The following VSTM4 variants were observed in gnomAD, a reference collection of about 807,000 sequenced individuals.
VSTM4 encodes the protein V-set and transmembrane domain-containing protein 4.
VSTM4 carries 20 observed loss-of-function variants against 36.4 expected under a neutral mutation model. That is an observed-to-expected ratio of 0.55 (90% CI 0.39 to 0.80). The LOEUF (loss-of-function observed/expected upper bound fraction) is 0.80. Among genes scored for constraint, VSTM4 ranks in the 30% least tolerant of loss-of-function variants. The pLI is 0.00. For missense variants in VSTM4, 392 were observed against 404.5 expected, an observed-to-expected ratio of 0.97 and a Z score of 0.26; for synonymous variants, 182 against 173.9, an observed-to-expected ratio of 1.05 and a Z score of -0.37.
At chr10:49,064,137 A>G (rs1843929694) in intron 5 of VSTM4, 1 of 152,300 alleles carries the variant, frequency 6.6e-6, no homozygotes, top group Admixed American at 6.5e-5. Flanking sequence ...ACCACCTTTC[A>G]AAGTCTTCAT....
At chr10:49,032,638 G>A (rs1051863604) in intron 7 of VSTM4, among the ~76,000 whole-genome samples, 2 of 152,022 alleles carry the variant, frequency 1.3e-5, no homozygotes, top group Non-Finnish European at 2.9e-5. Flanking sequence ...GTCTGATACT[G>A]TCTTTTAGCA....
intron 3 of VSTM4, among the ~76,000 whole-genome samples, chr10:49,080,379 TCCCC>T (rs1442889786): frequency 2.6e-5 from 4 of 152,216 alleles, no homozygotes; most frequent in African/African-American, 9.6e-5. Flanking sequence ...CTTTTGACTC[TCCCC>T]TCCCTGGCCT....
At chr10:49,096,622 CGTGTGTGTGTGTGTGTGTGTGTGTGT>C (rs57143308) in intron 2 of VSTM4, among the ~76,000 whole-genome samples, 5 of 122,498 alleles carry the variant, frequency 4.1e-5, no homozygotes, top group Admixed American at 1.6e-4. Flanking sequence ...CATTGAAGAC[CGTGTGTGTGTGTGTGTGTGTGTGTGT>C]GTGTGTGTGT....
chr10:49,102,302 A>T, intron 2 of VSTM4: 1 of 615,034 alleles, frequency 1.6e-6, no homozygotes, highest in Non-Finnish European at 2.0e-6. Context: ...ACACCTGGCT[A>T]ATTTTTGTAT....
chr10:49,098,314 GC>G (rs1844609800), intron 2 of VSTM4, among the ~76,000 whole-genome samples: 1 of 152,156 alleles, frequency 6.6e-6, no homozygotes. Context: ...CCTGCATCTG[GC>G]CTGCTCGTGA....
intron 3 of VSTM4, among the ~76,000 whole-genome samples, chr10:49,081,417 T>A (rs1253362553): frequency 6.6e-6 from 1 of 152,252 alleles, no homozygotes; most frequent in Non-Finnish European, 1.5e-5. Context: ...GCACAGCAGC[T>A]GATCCACAAG....
intron 4 of VSTM4, among the ~76,000 whole-genome samples, chr10:49,075,357 C>T (rs893680797): frequency 4.6e-5 from 7 of 152,254 alleles, no homozygotes. Context: ...GCCTATGTGG[C>T]TTCCACACTC....
chr10:49,084,232 G>A (rs1844330529), intron 3 of VSTM4, among the ~76,000 whole-genome samples: 1 of 152,190 alleles, frequency 6.6e-6, no homozygotes, highest in South Asian at 2.1e-4. Flanking sequence ...ATGAGAGGCT[G>A]AGTGGGAGAA....
At chr10:49,071,801 G>C (rs1406716032) in intron 4 of VSTM4, among the ~76,000 whole-genome samples, 1 of 152,202 alleles carries the variant, frequency 6.6e-6, no homozygotes, top group Non-Finnish European at 1.5e-5. Context: ...TGCATACCTT[G>C]ATGCCCTCAG....
Position 49,112,091 on chromosome 10 carries a change from T to C in VSTM4, c.55+3340A>G, listed in dbSNP as rs188935268. Among the ~76,000 whole-genome samples the C allele has an allele frequency of 1.3e-3, 203 of 152,314 alleles. 1 individual carries two copies. Among genetic ancestry groups the C allele is most frequent in the Middle Eastern group, 3.4e-3 (1 of 294 alleles). On this transcript the variant is annotated intron_variant, in intron 1 of 7. Coordinates refer to ENST00000332853, the MANE Select transcript of VSTM4 (RefSeq NM_001031746.5). ...CATCCTGGTGAACTGTACCCCACTG[T>C]GGCCCAACAGCCACCCTTGCCAACA...
In VSTM4 at chr10:49,062,892, G is replaced by T. The variant is rs544012770; in HGVS notation, c.668+1811C>A. Among the ~76,000 whole-genome samples the T allele has an allele frequency of 1.4e-4, 21 of 152,184 alleles. No individual in the cohort carries two copies. The South Asian group carries it at 2.9e-3, about 21-fold the overall frequency. On this transcript the variant is annotated intron_variant, in intron 5 of 7. Transcript: ENST00000332853. ...ACATCTCCACTCTCCTATTGAGCCC[G>T]AACAGTGAGTTTTTCATTTCTGTTT... is the stretch of plus-strand genomic sequence containing the variant.
At position 49,031,798 on chromosome 10, in the gene VSTM4, C is replaced by T. The variant is rs150178244; in HGVS notation, c.838-12023G>A. Among the ~76,000 whole-genome samples the T allele has an allele frequency of 6.0e-3, 917 of 152,258 alleles. 6 individuals are homozygous for T. Among genetic ancestry groups the T allele is most frequent in the South Asian group, 0.022 (106 of 4,820 alleles). ...TGATCCTTCATTACCTCATCCTGTG[C>T]CTGCCTCTGACCTCGGCTTGCTCCA... On this transcript the variant is annotated intron_variant, in intron 7 of 7. Transcript: ENST00000332853.
At chr10:49,071,560 G>T (rs565548693) in intron 4 of VSTM4, among the ~76,000 whole-genome samples, 10 of 152,354 alleles carry the variant, frequency 6.6e-5, no homozygotes, top group African/African-American at 2.4e-4. Flanking sequence ...AGGCAAAGCA[G>T]TGCCAGGCTT....
chr10:49,039,161 A>G (rs1843479743), intron 7 of VSTM4, among the ~76,000 whole-genome samples: 1 of 152,122 alleles, frequency 6.6e-6, no homozygotes, highest in Non-Finnish European at 1.5e-5. Flanking sequence ...CCTCAAAAAG[A>G]AGGTGGTGAG....
rs571695473 is a variant in VSTM4, at chr10:49,015,708, G to C, written c.*3942C>G. On this transcript the variant is annotated 3_prime_UTR_variant, in exon 8 of 8. Transcript: ENST00000332853. ...TGGGCTCCAAATGACACAGAGCTGG[G>C]TCACCTGGGTCTCACTGCAGTTTCC... 1 of 152,362 alleles carries C rather than the reference G, an allele frequency of 6.6e-6. No individual in the cohort carries two copies. The highest frequency in any genetic ancestry group is 2.4e-5 in the African/African-American group (1 of 41,560). 9.4% of individuals were successfully genotyped at this position (152,362 alleles called of 1,614,324 possible). A position where few individuals can be genotyped will look rare whatever the true frequency, so the allele number is the denominator to read the frequency against.
chr10:49,074,087 T>C (rs1025971276), intron 4 of VSTM4, among the ~76,000 whole-genome samples: 2 of 152,222 alleles, frequency 1.3e-5, no homozygotes, highest in Middle Eastern at 3.2e-3. Flanking sequence ...TCTTCGCATA[T>C]ACAAACAGGT....
intron 4 of VSTM4, 117 bp from the exon 5 acceptor site, chr10:49,064,853 A>T: frequency 9.8e-7 from 1 of 1,023,858 alleles, no homozygotes; most frequent in Non-Finnish European, 1.5e-6. Context: ...GTGCTATACC[A>T]CCCAACTCTC....
chr10:49,040,160 T>C (rs1236530142), intron 7 of VSTM4, among the ~76,000 whole-genome samples: 4 of 152,228 alleles, frequency 2.6e-5, no homozygotes, highest in East Asian at 1.9e-4. Context: ...GTGTGATCCA[T>C]GTGGCCTCAT....
At chr10:49,115,213 C>T (rs964715618) in intron 1 of VSTM4, among the ~76,000 whole-genome samples, 6 of 152,018 alleles carry the variant, frequency 3.9e-5, no homozygotes, top group Non-Finnish European at 7.4e-5. Flanking sequence ...ACGGGGACCG[C>T]GCTCACGGGA....
Sources: allele counts gnomAD v4.1 joint callset (sites outside exome capture counted in the v4.1 genomes callset), GRCh38; gene constraint gnomAD v4.1.1; transcripts MANE v1.5; gene names NCBI Gene and HGNC (gene_info 2026-07-23, HGNC 2026-07-21).